The following SAMD5 variants were observed in gnomAD, a reference collection of about 807,000 sequenced individuals.
SAMD5 encodes sterile alpha motif domain-containing protein 5.
SAMD5 carries 13 observed loss-of-function variants against 11.3 expected under a neutral mutation model. The observed-to-expected ratio is 1.15, with a 90% confidence interval of 0.75 to 1.83. The LOEUF is 1.83. Among genes scored for constraint, SAMD5 ranks in the 40% most tolerant of loss-of-function variants. The pLI, the probability that SAMD5 is intolerant of heterozygous loss-of-function variation, is 0.00. For synonymous variants in SAMD5, 129 were observed against 111.3 expected, an observed-to-expected ratio of 1.16 and a Z score of -1.00; for missense variants, 255 against 239.1, an observed-to-expected ratio of 1.07 and a Z score of -0.44.
At chr6:147,951,834 G>A in the SAMD5 span, among the ~76,000 whole-genome samples, 5 of 152,116 alleles carry the variant, frequency 3.3e-5, no homozygotes, top group African/African-American at 7.2e-5. Flanking sequence ...ATGTATTTGG[G>A]ATTGCTACAT....
chr6:147,668,867 A>G (rs1790757688), intron 1 of SAMD5, among the ~76,000 whole-genome samples: 1 of 152,218 alleles, frequency 6.6e-6, no homozygotes. Context: ...TCTATACTAG[A>G]CTGTAGTCTA....
chr6:147,659,963 T>C (rs1410912394), intron 1 of SAMD5, among the ~76,000 whole-genome samples: 1 of 152,128 alleles, frequency 6.6e-6, no homozygotes, highest in African/African-American at 2.4e-5. Context: ...CCATTTTCTG[T>C]CTTCTCTCCA....
At chr6:147,674,523 C>G (rs1009343937) in intron 1 of SAMD5, among the ~76,000 whole-genome samples, 3 of 152,154 alleles carry the variant, frequency 2.0e-5, no homozygotes, top group Non-Finnish European at 4.4e-5. Flanking sequence ...CAATGCACTC[C>G]AACCAGGGTT....
At chr6:147,813,115 T>G in the SAMD5 span, among the ~76,000 whole-genome samples, 1 of 152,190 alleles carries the variant, frequency 6.6e-6, no homozygotes, top group South Asian at 2.1e-4. Context: ...AATTGTCAAT[T>G]TCTCTGCTTG....
At chr6:147,882,126 G>GTTGTAGCGGC in the SAMD5 span, among the ~76,000 whole-genome samples, 1 of 152,158 alleles carries the variant, frequency 6.6e-6, no homozygotes, top group African/African-American at 2.4e-5. Context: ...TTTCTTCTCA[G>GTTGTAGCGGC]TTGTAGCGGC....
At chr6:147,538,521 A>T (rs1462684543) in intron 1 of SAMD5, among the ~76,000 whole-genome samples, 2 of 152,180 alleles carry the variant, frequency 1.3e-5, no homozygotes, top group Non-Finnish European at 2.9e-5. Context: ...TTAGTGAAAA[A>T]CTTGATAAGT....
At chr6:147,661,225 G>A (rs1790644418) in intron 1 of SAMD5, among the ~76,000 whole-genome samples, 1 of 151,898 alleles carries the variant, frequency 6.6e-6, no homozygotes, top group South Asian at 2.1e-4. Flanking sequence ...TCCTTAAAGG[G>A]CATTTACATC....
the SAMD5 span, among the ~76,000 whole-genome samples, chr6:147,890,145 G>T: frequency 6.6e-6 from 1 of 151,982 alleles, no homozygotes; most frequent in African/African-American, 2.4e-5. Flanking sequence ...AGACAAACGT[G>T]AGATTGAGGA....
chr6:147,909,579 T>TCCTTC, the SAMD5 span, among the ~76,000 whole-genome samples: 11 of 61,658 alleles, frequency 1.8e-4, no homozygotes, highest in African/African-American at 1.1e-3. Context: ...TTTCTTTCTT[T>TCCTTC]CTTTCTTTCT....
the SAMD5 span, among the ~76,000 whole-genome samples, chr6:147,941,090 T>A: frequency 3.3e-5 from 5 of 152,164 alleles, no homozygotes; most frequent in Non-Finnish European, 5.9e-5. Flanking sequence ...TCTTAAAGAC[T>A]TTTTTCTTCA....
At chr6:147,761,301 C>T in the SAMD5 span, among the ~76,000 whole-genome samples, 8 of 152,140 alleles carry the variant, frequency 5.3e-5, no homozygotes, top group East Asian at 3.9e-4. Context: ...TTTTCAATGT[C>T]GTGAACTTGC....
At chr6:147,860,084 T>C in the SAMD5 span, among the ~76,000 whole-genome samples, 6 of 152,210 alleles carry the variant, frequency 3.9e-5, no homozygotes, top group African/African-American at 9.6e-5. Flanking sequence ...TCTAGAAGTC[T>C]GAAATCAAGT....
the SAMD5 span, among the ~76,000 whole-genome samples, chr6:147,941,504 A>C: frequency 6.6e-6 from 1 of 152,198 alleles, no homozygotes; most frequent in African/African-American, 2.4e-5. Flanking sequence ...CTTACATTTC[A>C]GTTTATAGCC....
the SAMD5 span, among the ~76,000 whole-genome samples, chr6:147,816,301 A>AAAAAAAAAAAAAAAAAAAAATAT: frequency 1.5e-5 from 1 of 66,362 alleles, no homozygotes; most frequent in Non-Finnish European, 2.4e-5. Context: ...AAAAAAAAAA[A>AAAAAAAAAAAAAAAAAAAAATAT]ATATATATAT....
At chr6:147,920,759 T>C in the SAMD5 span, among the ~76,000 whole-genome samples, 1 of 152,200 alleles carries the variant, frequency 6.6e-6, no homozygotes, top group Non-Finnish European at 1.5e-5. Context: ...CTTCATGGCA[T>C]TACTGTTCAG....
chr6:147,637,457 A>T (rs552025803), intron 1 of SAMD5, among the ~76,000 whole-genome samples: 1 of 152,184 alleles, frequency 6.6e-6, no homozygotes, highest in African/African-American at 2.4e-5. Context: ...ATGGAATGAA[A>T]TACCTTCTAT....
At chr6:147,807,748 G>T in the SAMD5 span, among the ~76,000 whole-genome samples, 1 of 152,084 alleles carries the variant, frequency 6.6e-6, no homozygotes, top group South Asian at 2.1e-4. Flanking sequence ...AGAACCTTTC[G>T]TGTGTCTTAC....
chr6:147,816,281 C>CAAAAAAAAAA, the SAMD5 span, among the ~76,000 whole-genome samples: 19 of 27,838 alleles, frequency 6.8e-4, 2 homozygotes, highest in African/African-American at 1.4e-3. Flanking sequence ...ACTCCGTCTC[C>CAAAAAAAAAA]AAAAAAAAAA....
chr6:147,641,344 G>C (rs1790309417), intron 1 of SAMD5, among the ~76,000 whole-genome samples: 2 of 152,126 alleles, frequency 1.3e-5, no homozygotes, highest in South Asian at 2.1e-4. Context: ...CAATTTGGGG[G>C]CTTCATTGGC....
Sources: gnomAD v4.1 joint callset for allele counts (sites outside exome capture counted in the v4.1 genomes callset) on GRCh38, gnomAD v4.1.1 for gene constraint, MANE v1.5 for transcripts, NCBI Gene and HGNC (gene_info 2026-07-23, HGNC 2026-07-21) for gene names.